The following LIX1L variants were observed in gnomAD, a reference collection of about 807,000 sequenced individuals.
LIX1L encodes limb and CNS expressed 1 like, also known as LIX1-like protein.
In LIX1L, 20 loss-of-function variants were observed where a neutral mutation model predicts 34.0. The observed-to-expected ratio is 0.59, with a 90% CI of 0.41 to 0.85. The LOEUF (loss-of-function observed/expected upper bound fraction) is 0.85, where lower values mean the gene tolerates loss of function less well. Among genes scored for constraint, LIX1L ranks in the 40% least tolerant of loss-of-function variants. LIX1L has a pLI of 0.00. For synonymous variants in LIX1L, 170 were observed against 187.4 expected, an observed-to-expected ratio of 0.91 and a Z score of 0.76; for missense variants, 397 against 447.0, an observed-to-expected ratio of 0.89 and a Z score of 1.01.
intron 2 of LIX1L, among the ~76,000 whole-genome samples, chr1:145,945,098 A>C (rs1435362597): frequency 6.6e-6 from 1 of 151,848 alleles, no homozygotes; most frequent in African/African-American, 2.4e-5. Context: ...TGGGAAGCTG[A>C]GGCAGGCAGA....
At position 145,934,495 on chromosome 1, in the gene LIX1L, AC is replaced by A. The variant is rs1168285235; in HGVS notation, c.*1814del. On this transcript the variant is annotated 3_prime_UTR_variant, in exon 6 of 6. Transcript: ENST00000604000. ...AGGCTGAGGCAGGAGAGTGGCGTGA[AC>A]CCGGGAGGCGGAGCTTGCAGTGAGC... 6.7e-6 allele frequency: 1 copy of A among 148,658 alleles called. No individual in the cohort carries two copies. Among genetic ancestry groups the A allele is most frequent in the Non-Finnish European group, 1.5e-5 (1 of 67,522 alleles). 9.2% of individuals were successfully genotyped at this position (148,658 alleles called of 1,614,324 possible). A position where few individuals can be genotyped will look rare whatever the true frequency, so the allele number is the denominator to read the frequency against.
At chr1:145,952,547 A>C (rs587629445) in intron 1 of LIX1L, among the ~76,000 whole-genome samples, 1 of 152,328 alleles carries the variant, frequency 6.6e-6, no homozygotes, top group South Asian at 2.1e-4. Flanking sequence ...TAGGAGATAA[A>C]ATATACGAAT....
chr1:145,945,932 C>T, intron 2 of LIX1L, among the ~76,000 whole-genome samples: 1 of 71,900 alleles, frequency 1.4e-5, no homozygotes, highest in South Asian at 4.4e-4. Context: ...CTAAAAATAC[C>T]AAAAAAAAAA....
intron 3 of LIX1L, among the ~76,000 whole-genome samples, chr1:145,940,369 A>G (rs1162997330): frequency 5.6e-4 from 78 of 139,498 alleles, no homozygotes; most frequent in African/African-American, 2.0e-3. Flanking sequence ...TTTTTTTGAG[A>G]CAGGGTGTCA....
chr1:145,957,781 G>T lies in LIX1L; in HGVS notation c.147C>A (p.Pro49=). 2.2e-6 allele frequency: 3 copies of T among 1,345,606 alleles called. No homozygotes were observed. Among genetic ancestry groups the T allele is most frequent in the Non-Finnish European group, 2.8e-6 (3 of 1,056,182 alleles). The allele number at this position is 1,345,606 out of a possible 1,614,324, so 83.4% of individuals were successfully genotyped here. A position where few individuals can be genotyped will look rare whatever the true frequency, so the allele number is the denominator to read the frequency against. Residue 49 remains proline (P), a synonymous_variant, in exon 1 of 6, where the codon CCC becomes CCA. Transcript: ENST00000604000. ...PAGPPPAPPP[P]APPPPPLLLS... ...GGAGCAGCGGCGGCGGGGGCGGTGC[G>T]GGAGGCGGCGGGGCAGGCGGGGGGC...
intron 1 of LIX1L, among the ~76,000 whole-genome samples, chr1:145,953,528 C>G (rs917638368): frequency 3.9e-5 from 6 of 152,138 alleles, no homozygotes; most frequent in Non-Finnish European, 7.4e-5. Context: ...CTAAATAGCC[C>G]ACGATCCACA....
intron 2 of LIX1L, among the ~76,000 whole-genome samples, chr1:145,945,300 C>CAAAA (rs1176595454): frequency 8.2e-6 from 1 of 121,810 alleles, no homozygotes; most frequent in Non-Finnish European, 1.7e-5. Context: ...GACTCTGTCT[C>CAAAA]AAAAAAAAAA....
intron 1 of LIX1L, among the ~76,000 whole-genome samples, chr1:145,952,282 ATATGAG>A (rs1649324194): frequency 6.6e-6 from 1 of 152,224 alleles, no homozygotes; most frequent in East Asian, 1.9e-4. Flanking sequence ...GTCTGTATGC[ATATGAG>A]TATTTGTGCA....
intron 1 of LIX1L, among the ~76,000 whole-genome samples, chr1:145,954,766 C>T (rs1649412360): frequency 6.6e-6 from 1 of 152,176 alleles, no homozygotes; most frequent in Non-Finnish European, 1.5e-5. Context: ...AAAGCATTTC[C>T]AAATGCACAA....
chr1:145,949,404 C>T (rs1434996659), intron 1 of LIX1L, among the ~76,000 whole-genome samples: 1 of 151,944 alleles, frequency 6.6e-6, no homozygotes, highest in African/African-American at 2.4e-5. Context: ...GTGTTCTGTG[C>T]GTAAGGAACA....
At chr1:145,957,583 G>A in intron 1 of LIX1L, 53 bp downstream of exon 1, 1 of 1,413,130 alleles carries the variant, frequency 7.1e-7, no homozygotes, top group African/African-American at 1.5e-5. Flanking sequence ...GACTGTGGGA[G>A]CAAGGCTCCC....
At chr1:145,946,103 C>CAAAAAACA (rs782586450) in intron 2 of LIX1L, among the ~76,000 whole-genome samples, 3 of 146,626 alleles carry the variant, frequency 2.0e-5, no homozygotes, top group South Asian at 2.2e-4. Flanking sequence ...GACTCCATCT[C>CAAAAAACA]AAAAAACAAA....
intron 1 of LIX1L, 82 bp from the exon 2 acceptor site, chr1:145,947,864 C>G: frequency 7.9e-7 from 1 of 1,260,288 alleles, no homozygotes; most frequent in East Asian, 2.3e-5. Context: ...TACCTGTAAC[C>G]TGTACCTACA....
rs909914636 is a variant in LIX1L, at chr1:145,957,975, C to G, written c.-48G>C. The G allele has an allele frequency of 3.0e-6, 4 of 1,338,050 alleles. No individual in the cohort carries two copies. In the African/African-American group the frequency reaches 6.1e-5, roughly 20 times the overall value. The allele number at this position is 1,338,050 out of a possible 1,614,324, so 82.9% of individuals were successfully genotyped here. A position where few individuals can be genotyped will look rare whatever the true frequency, so the allele number is the denominator to read the frequency against. Reference sequence around the variant, plus strand: ...CCCCGGAGCCTGCCAGCCTGCCGAGCTAACGGTCCCAACCACCCCAGTCAG... The same window carrying G: ...CCCCGGAGCCTGCCAGCCTGCCGAGGTAACGGTCCCAACCACCCCAGTCAG... On this transcript the variant is annotated 5_prime_UTR_variant, in exon 1 of 6. Transcript: ENST00000604000.
At chr1:145,943,982 C>T (rs1485368318) in intron 2 of LIX1L, among the ~76,000 whole-genome samples, 1 of 151,950 alleles carries the variant, frequency 6.6e-6, no homozygotes, top group Non-Finnish European at 1.5e-5. Context: ...TTCCAGGCTG[C>T]AGTGAGTTAT....
rs1219128521 is a variant in LIX1L, at chr1:145,934,295, C to G, written c.*2015G>C. 6.6e-6 allele frequency: 1 copy of G among 152,156 alleles called. No individual in the cohort carries two copies. Among genetic ancestry groups the G allele is most frequent in the African/African-American group, 2.4e-5 (1 of 41,434 alleles). The allele number at this position is 152,156 out of a possible 1,614,324, so 9.4% of individuals were successfully genotyped here. On this transcript the variant is annotated 3_prime_UTR_variant, in exon 6 of 6. Coordinates refer to ENST00000604000, the MANE Select transcript of LIX1L (RefSeq NM_153713.3). Reference sequence around the variant, plus strand: ...ATGGTGTTAAAAACACAAATAGTGCCGGGCGCGGTGGCTCACGCCTGTAAT... The same window carrying G: ...ATGGTGTTAAAAACACAAATAGTGCGGGGCGCGGTGGCTCACGCCTGTAAT...
At chr1:145,941,400 C>T (rs1327504691) in intron 3 of LIX1L, among the ~76,000 whole-genome samples, 1 of 151,630 alleles carries the variant, frequency 6.6e-6, no homozygotes, top group Admixed American at 6.6e-5. Flanking sequence ...TTACAGGCGC[C>T]CACCACTGCG....
chr1:145,946,631 A>C (rs868981049), intron 2 of LIX1L, among the ~76,000 whole-genome samples: 53 of 152,328 alleles, frequency 3.5e-4, no homozygotes, highest in African/African-American at 1.2e-3. Flanking sequence ...TTATTTGCCT[A>C]CTATCTGCTA....
chr1:145,939,305 ATT>A (rs61153888), intron 3 of LIX1L, among the ~76,000 whole-genome samples: 13 of 137,396 alleles, frequency 9.5e-5, no homozygotes, highest in Admixed American at 1.5e-4. Flanking sequence ...TGGAACCATA[ATT>A]TTTTTTTTTT....
Sources: allele counts gnomAD v4.1 joint callset (sites outside exome capture counted in the v4.1 genomes callset), GRCh38; gene constraint gnomAD v4.1.1; transcripts MANE v1.5; gene names NCBI Gene and HGNC (gene_info 2026-07-23, HGNC 2026-07-21).